The following ATG16L1 variants were observed in gnomAD, a reference collection of about 807,000 sequenced individuals.
ATG16L1 encodes autophagy related 16 like 1.
In ATG16L1, 37 loss-of-function variants were observed where a neutral mutation model predicts 88.5. The ratio of observed to expected loss-of-function variants is 0.42; its 90% confidence interval spans 0.32 to 0.55. The LOEUF (loss-of-function observed/expected upper bound fraction) is 0.55, where lower values mean the gene tolerates loss of function less well. Among genes scored for constraint, ATG16L1 ranks in the 20% least tolerant of loss-of-function variants. ATG16L1 has a pLI of 0.13. For missense variants in ATG16L1, 554 were observed against 752.8 expected, an observed-to-expected ratio of 0.74 and a Z score of 3.09; for synonymous variants, 301 against 281.0, an observed-to-expected ratio of 1.07 and a Z score of -0.71.
intron 12 of ATG16L1, 40 bp downstream of exon 12, chr2:233,282,793 T>C: frequency 6.3e-7 from 1 of 1,584,456 alleles, no homozygotes. Context: ...TCTCCAAACT[T>C]CATGTGGTGT....
chr2:233,269,318 G>C (rs576331355), intron 5 of ATG16L1, among the ~76,000 whole-genome samples: 1 of 152,254 alleles, frequency 6.6e-6, no homozygotes, highest in African/African-American at 2.4e-5. Context: ...TGTCAGGTAA[G>C]GGGAAGTCCT....
At chr2:233,286,655 T>A in intron 12 of ATG16L1, among the ~76,000 whole-genome samples, 1 of 139,890 alleles carries the variant, frequency 7.1e-6, no homozygotes, top group East Asian at 2.1e-4. Flanking sequence ...AGACAGTGTC[T>A]CGCTCAGTCA....
At chr2:233,291,175 G>T (rs927148757) in intron 14 of ATG16L1, among the ~76,000 whole-genome samples, 6 of 152,102 alleles carry the variant, frequency 3.9e-5, no homozygotes, top group African/African-American at 1.4e-4. Context: ...GAGAGGGTGG[G>T]GGTACAGGGC....
chr2:233,262,043 T>C (rs896352403), intron 2 of ATG16L1, among the ~76,000 whole-genome samples: 23 of 152,320 alleles, frequency 1.5e-4, no homozygotes, highest in African/African-American at 4.6e-4. Context: ...ACGAACTCTT[T>C]AGGTCTCCTC....
intron 2 of ATG16L1, 122 bp downstream of exon 2, chr2:233,256,317 C>A: frequency 1.2e-6 from 1 of 818,308 alleles, no homozygotes; most frequent in Non-Finnish European, 2.0e-6. Context: ...TTTTTGTCAG[C>A]TCCTTTCAAA....
chr2:233,277,557 T>C lies in ATG16L1; in HGVS notation c.955-11T>C, dbSNP rs1698458084. On this transcript the variant is annotated splice_polypyrimidine_tract_variant and intron_variant, in intron 9 of 17. Transcript: ENST00000392017. ...AATGACTGGGTTTGACACAGGGTGC[T>C]TGTCTTGCAGGATGCACATGATGGG... The C allele has an allele frequency of 1.2e-6, 2 of 1,613,018 alleles. No individual in the cohort carries two copies. The highest frequency in any genetic ancestry group is 3.3e-5 in the Admixed American group (2 of 59,984).
At chr2:233,259,623 G>T (rs1023968300) in intron 2 of ATG16L1, among the ~76,000 whole-genome samples, 1 of 152,176 alleles carries the variant, frequency 6.6e-6, no homozygotes, top group Non-Finnish European at 1.5e-5. Flanking sequence ...GCTTCATCAG[G>T]TTACCCCTTG....
At position 233,275,068 on chromosome 2, in the gene ATG16L1, G is replaced by A. The variant is rs1356920111; in HGVS notation, c.954+290G>A. 2.0e-5 allele frequency among the ~76,000 whole-genome samples: 3 copies of A among 152,118 alleles called. No individual in the cohort carries two copies. The East Asian group carries it at 5.8e-4, about 29-fold the overall frequency. ...TTAGGGATTGTGAAAAATGGGAGAG[G>A]GATTTATATAATTATTGTCACCAAT... On this transcript the variant is annotated intron_variant, in intron 9 of 17. Coordinates refer to ENST00000392017, the MANE Select transcript of ATG16L1 (RefSeq NM_030803.7).
In ATG16L1 at chr2:233,273,031, G is replaced by C. The variant is rs149927020; in HGVS notation, c.773G>C (p.Arg258Pro). The change falls in exon 7 of 18, where the codon CGA (arginine) becomes CCA (proline). Residue 258 changes from arginine to proline, a missense_variant. Coordinates refer to ENST00000392017, the MANE Select transcript of ATG16L1 (RefSeq NM_030803.7). ...CACACAGAAGAGACCTCTCCTGTGC[G>C]AGCCATCAGCAGAGCAGCCACGTAA... Reference protein sequence around the residue: ...SDHTEETSPVRAISRAATKRL... With the variant: ...SDHTEETSPVPAISRAATKRL... The C allele has an allele frequency of 6.2e-7, 1 of 1,613,906 alleles. No individual in the cohort carries two copies. The highest frequency in any genetic ancestry group is 1.3e-5 in the African/African-American group (1 of 74,894).
chr2:233,254,954 T>A (rs1332115474), intron 1 of ATG16L1, among the ~76,000 whole-genome samples: 2 of 148,130 alleles, frequency 1.4e-5, no homozygotes, highest in African/African-American at 2.5e-5. Context: ...TCTTATTTTT[T>A]ATTTCATTTC....
intron 12 of ATG16L1, among the ~76,000 whole-genome samples, chr2:233,286,185 G>A (rs1699059903): frequency 6.6e-6 from 1 of 152,136 alleles, no homozygotes; most frequent in Non-Finnish European, 1.5e-5. Context: ...TTGGTGTTAT[G>A]TTAGCTGCAT....
intron 6 of ATG16L1, among the ~76,000 whole-genome samples, chr2:233,272,297 T>C (rs911052713): frequency 1.3e-5 from 2 of 152,258 alleles, no homozygotes; most frequent in African/African-American, 4.8e-5. Context: ...GAGCATGTCC[T>C]ATGACTTGAT....
At chr2:233,266,911 G>A (rs1697638719) in intron 5 of ATG16L1, among the ~76,000 whole-genome samples, 1 of 152,184 alleles carries the variant, frequency 6.6e-6, no homozygotes, top group Non-Finnish European at 1.5e-5. Flanking sequence ...TTCTACATGT[G>A]GGGCTAAAAG....
intron 8 of ATG16L1, 50 bp from the exon 9 acceptor site, chr2:233,274,626 A>T (rs1171182018): frequency 7.0e-7 from 1 of 1,431,218 alleles, no homozygotes; most frequent in Admixed American, 1.7e-5. Context: ...TTTGATGAGC[A>T]GTAAACCTCT....
chr2:233,256,102 A>G lies in ATG16L1; in HGVS notation c.116A>G (p.Tyr39Cys), dbSNP rs896373187. 1.2e-6 allele frequency: 2 copies of G among 1,612,974 alleles called. No individual in the cohort carries two copies. Among genetic ancestry groups the G allele is most frequent in the East Asian group, 2.2e-5 (1 of 44,860 alleles). ...GTTTCTGACTTTTTTATTTTAATAG[A>G]TAACAAATTGCTGGAAAAGTCAGAT... ...RQAFEEIILQYNKLLEKSDLH... is the reference protein window; with the variant it reads ...RQAFEEIILQCNKLLEKSDLH... Residue 39 changes from tyrosine to cysteine, a missense_variant and splice_region_variant, in exon 2 of 18, where the codon TAT becomes TGT. Physicochemically the swap from Tyr to Cys is radical, Grantham distance 194. This residue lies in a region of ATG16L1 where 101 missense variants were observed against 107.0 expected (regional missense o/e 0.94). Coordinates refer to ENST00000392017, the MANE Select transcript of ATG16L1 (RefSeq NM_030803.7).
At chr2:233,273,109 C>T (rs1698103671) in intron 7 of ATG16L1, 57 bp downstream of exon 7, 1 of 1,385,520 alleles carries the variant, frequency 7.2e-7, no homozygotes, top group Non-Finnish European at 1.0e-6. Context: ...TATGAAGGCA[C>T]ATCTGTGGAC....
chr2:233,287,809 C>T (rs1447991431), intron 12 of ATG16L1, among the ~76,000 whole-genome samples: 3 of 152,078 alleles, frequency 2.0e-5, no homozygotes, highest in Non-Finnish European at 4.4e-5. Flanking sequence ...ACCTGGGAGG[C>T]GGAGGTTGCA....
At chr2:233,255,538 A>G (rs1357877534) in intron 1 of ATG16L1, among the ~76,000 whole-genome samples, 1 of 152,216 alleles carries the variant, frequency 6.6e-6, no homozygotes, top group Non-Finnish European at 1.5e-5. Context: ...TAAGAAGTCT[A>G]AATTTCTGAT....
At position 233,274,790 on chromosome 2, in the gene ATG16L1, T is replaced by G. The variant is rs371381774; in HGVS notation, c.954+12T>G. On this transcript the variant is annotated intron_variant, in intron 9 of 17. Transcript: ENST00000392017. ...CCTTGTGTGTCTTCGTAAGTATGCT[T>G]CAGCCCCGAACCCTACCACGCTTGA... is the stretch of plus-strand genomic sequence containing the variant. 6.7e-5 allele frequency: 107 copies of G among 1,595,692 alleles called. No homozygotes were observed. The highest frequency in any genetic ancestry group is 8.7e-5 in the Non-Finnish European group (101 of 1,163,744).
Sources: allele counts gnomAD v4.1 joint callset (sites outside exome capture counted in the v4.1 genomes callset), GRCh38; gene constraint gnomAD v4.1.1; regional missense constraint gnomAD v4.1.1; transcripts MANE v1.5; gene names NCBI Gene and HGNC (gene_info 2026-07-23, HGNC 2026-07-21).